The following NALF1 variants were observed in gnomAD, a reference collection of about 807,000 sequenced individuals.
The protein encoded by NALF1 is family with sequence similarity 155 member A.
A neutral mutation model predicts 48.4 loss-of-function variants in NALF1; 3 were observed. The ratio of observed to expected loss-of-function variants is 0.06; its 90% CI spans 0.03 to 0.16. The LOEUF is 0.16. Ranked by LOEUF, NALF1 falls within the 10% of genes least tolerant of loss-of-function variation. The pLI is 1.00. For missense variants in NALF1, 526 were observed against 571.5 expected (o/e 0.92, Z 0.81); for synonymous variants, 262 against 245.7 (o/e 1.07, Z -0.62).
intron 1 of NALF1, among the ~76,000 whole-genome samples, chr13:107,443,661 A>C (rs769118687): frequency 3.9e-5 from 6 of 152,310 alleles, no homozygotes; most frequent in Non-Finnish European, 8.8e-5. Context: ...TTTTGGAGTC[A>C]TCCACTTGCA....
chr13:107,693,719 G>T (rs931708823), intron 1 of NALF1, among the ~76,000 whole-genome samples: 2 of 151,366 alleles, frequency 1.3e-5, no homozygotes, highest in East Asian at 1.9e-4. Flanking sequence ...CACAGAACTT[G>T]GACCATATGA....
intron 1 of NALF1, among the ~76,000 whole-genome samples, chr13:107,721,887 G>A (rs914819875): frequency 6.6e-6 from 1 of 152,154 alleles, no homozygotes; most frequent in Non-Finnish European, 1.5e-5. Context: ...GCAGATTCAT[G>A]AATATTTTAA....
chr13:107,292,339 A>C (rs531026032), intron 1 of NALF1, among the ~76,000 whole-genome samples: 2 of 152,320 alleles, frequency 1.3e-5, no homozygotes, highest in Admixed American at 6.5e-5. Context: ...GTCAATGTAA[A>C]AGCCTAGGAT....
chr13:107,559,904 G>T (rs954323021), intron 1 of NALF1, among the ~76,000 whole-genome samples: 3 of 152,116 alleles, frequency 2.0e-5, no homozygotes, highest in African/African-American at 7.2e-5. Context: ...AGATATAAAG[G>T]AGAGACATGG....
At chr13:107,564,085 T>G (rs1377870370) in intron 1 of NALF1, among the ~76,000 whole-genome samples, 1 of 152,124 alleles carries the variant, frequency 6.6e-6, no homozygotes, top group African/African-American at 2.4e-5. Flanking sequence ...ACGAGATGTA[T>G]TGGGAAAGAT....
At chr13:107,779,682 T>A (rs1259191347) in intron 1 of NALF1, among the ~76,000 whole-genome samples, 6 of 152,200 alleles carry the variant, frequency 3.9e-5, no homozygotes, top group Admixed American at 2.0e-4. Context: ...TGAATTTTCA[T>A]ACATTAAGCT....
At chr13:107,269,021 G>C (rs1881100155) in intron 1 of NALF1, among the ~76,000 whole-genome samples, 1 of 152,066 alleles carries the variant, frequency 6.6e-6, no homozygotes, top group South Asian at 2.1e-4. Flanking sequence ...GAATAAACTG[G>C]GAGTGGTGGT....
intron 1 of NALF1, among the ~76,000 whole-genome samples, chr13:107,527,516 G>T (rs934748314): frequency 6.6e-6 from 1 of 152,108 alleles, no homozygotes. Context: ...CGTTTTCCAT[G>T]GCTGATAATT....
chr13:107,671,591 T>C (rs1191064329), intron 1 of NALF1, among the ~76,000 whole-genome samples: 1 of 152,184 alleles, frequency 6.6e-6, no homozygotes. Flanking sequence ...TGATGAACGT[T>C]ACATAAAGTT....
At chr13:107,726,448 G>A (rs527928556) in intron 1 of NALF1, among the ~76,000 whole-genome samples, 490 of 151,910 alleles carry the variant, frequency 3.2e-3, no homozygotes, top group Non-Finnish European at 5.3e-3. Flanking sequence ...AATAAACCGA[G>A]TTCACACTAG....
intron 1 of NALF1, chr13:107,531,258 T>C (rs554974952): frequency 5.9e-6 from 1 of 168,948 alleles, no homozygotes; most frequent in South Asian, 2.0e-4. Flanking sequence ...GGTATTTGGA[T>C]CACGGAGGCA....
At chr13:107,373,919 C>T (rs1265818357) in intron 1 of NALF1, among the ~76,000 whole-genome samples, 2 of 152,090 alleles carry the variant, frequency 1.3e-5, no homozygotes, top group Admixed American at 6.6e-5. Flanking sequence ...TATGAGACTG[C>T]CCATGGTGAT....
At chr13:107,568,469 G>A (rs546081103) in intron 1 of NALF1, among the ~76,000 whole-genome samples, 1 of 152,208 alleles carries the variant, frequency 6.6e-6, no homozygotes, top group Non-Finnish European at 1.5e-5. Context: ...GTGTGCCTCA[G>A]AGTGCAATTA....
chr13:107,245,374 T>C (rs1880560783), intron 1 of NALF1, among the ~76,000 whole-genome samples: 1 of 152,228 alleles, frequency 6.6e-6, no homozygotes, highest in East Asian at 1.9e-4. Context: ...TTATGTTTCA[T>C]GAATTACATG....
intron 1 of NALF1, among the ~76,000 whole-genome samples, chr13:107,240,183 A>T (rs960831194): frequency 6.6e-6 from 1 of 152,176 alleles, no homozygotes; most frequent in Non-Finnish European, 1.5e-5. Flanking sequence ...TGGGATTTTT[A>T]AAGAGGTAGT....
chr13:107,250,402 T>G (rs2138843567), intron 1 of NALF1, among the ~76,000 whole-genome samples: 1 of 152,028 alleles, frequency 6.6e-6, no homozygotes, highest in East Asian at 1.9e-4. Context: ...TATAGTGACA[T>G]GAATTATTAA....
In NALF1 at chr13:107,461,239, A is replaced by AT. The variant is rs536218003; in HGVS notation, c.916-250485dup. ...TTCTTCTAAAAATGAGATCTTGTCCATTTTTTTACTATAGTCTTTTCCTTA... is the reference window on the plus strand; with the variant it reads ...TTCTTCTAAAAATGAGATCTTGTCCATTTTTTTTACTATAGTCTTTTCCTTA... On this transcript the variant is annotated intron_variant, in intron 1 of 2. Coordinates refer to ENST00000375915, the MANE Select transcript of NALF1 (RefSeq NM_001080396.3). Among the ~76,000 whole-genome samples, 654 of 152,228 alleles carry AT rather than the reference A, an allele frequency of 4.3e-3. 1 individual carries two copies. Among genetic ancestry groups the AT allele is most frequent in the Non-Finnish European group, 7.1e-3 (486 of 67,976 alleles).
chr13:107,275,511 C>G (rs191070581), intron 1 of NALF1, among the ~76,000 whole-genome samples: 1 of 151,986 alleles, frequency 6.6e-6, no homozygotes, highest in Non-Finnish European at 1.5e-5. Flanking sequence ...TCTATTATTG[C>G]GTAACAAATT....
intron 1 of NALF1, among the ~76,000 whole-genome samples, chr13:107,238,465 G>T (rs928477584): frequency 3.9e-5 from 6 of 152,118 alleles, no homozygotes; most frequent in Non-Finnish European, 8.8e-5. Context: ...CTGCTGACTG[G>T]GGATGGCTCC....
Sources: allele counts gnomAD v4.1 joint callset (sites outside exome capture counted in the v4.1 genomes callset), GRCh38; gene constraint gnomAD v4.1.1; transcripts MANE v1.5; gene names NCBI Gene and HGNC (gene_info 2026-07-23, HGNC 2026-07-21).